The following LGSN variants were observed in gnomAD, a reference collection of about 807,000 sequenced individuals.
The protein encoded by LGSN is lengsin.
LGSN carries 21 observed loss-of-function variants against 19.5 expected under a neutral mutation model. The ratio of observed to expected loss-of-function variants is 1.07; its 90% CI spans 0.76 to 1.55. LGSN has a LOEUF of 1.55. LGSN is among the 40% of genes most tolerant of loss of function. The probability of loss-of-function intolerance (pLI) is 0.00; values close to 1 mark genes in which losing one functional copy is unlikely to be tolerated. For missense variants in LGSN, 673 were observed against 608.5 expected (o/e 1.11, Z -1.12); for synonymous variants, 257 against 215.6 (o/e 1.19, Z -1.68).
the LGSN span, among the ~76,000 whole-genome samples, chr6:63,457,219 G>A: frequency 6.6e-6 from 1 of 152,116 alleles, no homozygotes; most frequent in Non-Finnish European, 1.5e-5. Flanking sequence ...TAAAAATATA[G>A]TTTGGACCGG....
At chr6:63,397,849 A>G in the LGSN span, among the ~76,000 whole-genome samples, 1 of 152,174 alleles carries the variant, frequency 6.6e-6, no homozygotes, top group Admixed American at 6.5e-5. Context: ...CTGAGGCACA[A>G]GAATCACTTT....
chr6:63,362,470 A>G, the LGSN span, among the ~76,000 whole-genome samples: 1 of 152,148 alleles, frequency 6.6e-6, no homozygotes, highest in African/African-American at 2.4e-5. Context: ...GACAGATGGT[A>G]CCTGGAAAAT....
At chr6:63,284,955 C>T (rs189157387) in intron 3 of LGSN, among the ~76,000 whole-genome samples, 31 of 152,218 alleles carry the variant, frequency 2.0e-4, no homozygotes, top group African/African-American at 7.5e-4. Flanking sequence ...GACCTGATGT[C>T]CCTTGCTAAG....
At chr6:63,456,369 A>ATACTTTTT in the LGSN span, among the ~76,000 whole-genome samples, 1 of 40,072 alleles carries the variant, frequency 2.5e-5, no homozygotes. Context: ...ATATATATAT[A>ATACTTTTT]TATATATATA....
At chr6:63,540,392 A>C in the LGSN span, among the ~76,000 whole-genome samples, 1 of 152,154 alleles carries the variant, frequency 6.6e-6, no homozygotes, top group African/African-American at 2.4e-5. Context: ...AGGCTGAGGC[A>C]GGCAGATTGC....
chr6:63,352,971 G>C, the LGSN span, among the ~76,000 whole-genome samples: 1 of 151,996 alleles, frequency 6.6e-6, no homozygotes, highest in African/African-American at 2.4e-5. Flanking sequence ...TTTCTCTTGT[G>C]AGCGCAACAA....
the LGSN span, among the ~76,000 whole-genome samples, chr6:63,467,781 T>G: frequency 6.6e-6 from 1 of 152,140 alleles, no homozygotes; most frequent in Non-Finnish European, 1.5e-5. Flanking sequence ...AACCTCAGCC[T>G]CCCGGGTTCA....
chr6:63,529,217 G>GT, the LGSN span, among the ~76,000 whole-genome samples: 5 of 146,536 alleles, frequency 3.4e-5, no homozygotes, highest in African/African-American at 1.3e-4. Flanking sequence ...ATATATATTT[G>GT]CTAATAACTT....
chr6:63,412,426 G>GA, the LGSN span, among the ~76,000 whole-genome samples: 48 of 127,156 alleles, frequency 3.8e-4, no homozygotes, highest in South Asian at 9.7e-4. Context: ...AAGAAAGAAA[G>GA]AAAGAAAGAA....
the LGSN span, among the ~76,000 whole-genome samples, chr6:63,465,660 A>G: frequency 6.6e-6 from 1 of 152,194 alleles, no homozygotes; most frequent in Non-Finnish European, 1.5e-5. Context: ...AACAATGGAG[A>G]TTAAATTTAA....
At chr6:63,571,647 T>C in the LGSN span, 2 of 152,228 alleles carry the variant, frequency 1.3e-5, no homozygotes, top group Non-Finnish European at 2.9e-5. Context: ...AACCTTTCAT[T>C]ATCTGAGACA....
chr6:63,330,368 G>A, the LGSN span, among the ~76,000 whole-genome samples: 1 of 152,066 alleles, frequency 6.6e-6, no homozygotes, highest in East Asian at 1.9e-4. Context: ...TGTTCCTCTT[G>A]GTCCCTATTA....
chr6:63,503,047 T>A, the LGSN span, among the ~76,000 whole-genome samples: 1 of 152,242 alleles, frequency 6.6e-6, no homozygotes, highest in African/African-American at 2.4e-5. Flanking sequence ...TTTTCTAATT[T>A]TTTTGTTCAA....
At chr6:63,460,099 C>T in the LGSN span, among the ~76,000 whole-genome samples, 2 of 115,912 alleles carry the variant, frequency 1.7e-5, no homozygotes, top group African/African-American at 6.5e-5. Flanking sequence ...GATTTCATTC[C>T]CTTTTTTTTT....
At chr6:63,420,447 G>A in the LGSN span, among the ~76,000 whole-genome samples, 1 of 152,144 alleles carries the variant, frequency 6.6e-6, no homozygotes, top group South Asian at 2.1e-4. Context: ...TTAAAGGCTT[G>A]ACTGTTACTT....
At chr6:63,427,710 G>A in the LGSN span, among the ~76,000 whole-genome samples, 81 of 152,176 alleles carry the variant, frequency 5.3e-4, no homozygotes, top group Non-Finnish European at 4.6e-4. Context: ...TCTCCTTGTG[G>A]GTAGTTTAGT....
chr6:63,491,317 A>C, the LGSN span, among the ~76,000 whole-genome samples: 1 of 152,232 alleles, frequency 6.6e-6, no homozygotes, highest in East Asian at 1.9e-4. Context: ...AAAATGCCAA[A>C]ATTGGCATTA....
chr6:63,509,900 G>A, the LGSN span, among the ~76,000 whole-genome samples: 1 of 152,208 alleles, frequency 6.6e-6, no homozygotes, highest in African/African-American at 2.4e-5. Context: ...CACTGATAGT[G>A]CCTTGTATGG....
chr6:63,510,657 C>T, the LGSN span, among the ~76,000 whole-genome samples: 1 of 137,286 alleles, frequency 7.3e-6, no homozygotes, highest in Admixed American at 8.0e-5. Context: ...CTTCAAGAAG[C>T]GAATTTTTTT....
Sources: gnomAD v4.1 joint callset for allele counts (sites outside exome capture counted in the v4.1 genomes callset) on GRCh38, gnomAD v4.1.1 for gene constraint, MANE v1.5 for transcripts, NCBI Gene and HGNC (gene_info 2026-07-23, HGNC 2026-07-21) for gene names.